Variants in INPP4B observed in about 807,000 individuals in gnomAD.
The protein encoded by INPP4B is inositol polyphosphate-4-phosphatase type II B, also known as inositol polyphosphate 4-phosphatase type II.
INPP4B carries 55 observed loss-of-function variants against 122.5 expected under a neutral mutation model. The ratio of observed to expected loss-of-function variants is 0.45; its 90% CI spans 0.36 to 0.56. INPP4B has a LOEUF of 0.56. Among genes scored for constraint, INPP4B ranks in the 20% least tolerant of loss-of-function variants. INPP4B has a pLI of 0.00. For synonymous variants in INPP4B, 403 were observed against 388.7 expected (o/e 1.04, Z -0.43); for missense variants, 1,000 against 1,097.7 (o/e 0.91, Z 1.26).
chr4:142,549,028 C>T (rs1299351696), intron 2 of INPP4B, among the ~76,000 whole-genome samples: 1 of 152,026 alleles, frequency 6.6e-6, no homozygotes, highest in African/African-American at 2.4e-5. Flanking sequence ...GAGAGCTTGT[C>T]CAGCATTCCC....
At chr4:142,061,728 A>G (rs1343256827) in intron 25 of INPP4B, among the ~76,000 whole-genome samples, 1 of 151,800 alleles carries the variant, frequency 6.6e-6, no homozygotes, top group Non-Finnish European at 1.5e-5. Context: ...TGATCAAATT[A>G]GATTTAAGCA....
intron 2 of INPP4B, among the ~76,000 whole-genome samples, chr4:142,463,645 T>A (rs1301870918): frequency 2.0e-5 from 3 of 152,124 alleles, no homozygotes; most frequent in African/African-American, 7.2e-5. Flanking sequence ...AATCCCCACA[T>A]GTTGTGAGAG....
At chr4:142,084,977 G>A (rs3775621) in intron 24 of INPP4B, among the ~76,000 whole-genome samples, 38,147 of 151,990 alleles carry the variant, frequency 0.25, 4,863 homozygotes, top group East Asian at 0.3. Context: ...ATTAACAACC[G>A]TAGTGGTCTT....
chr4:142,537,818 C>T (rs927194918), intron 2 of INPP4B, among the ~76,000 whole-genome samples: 1 of 151,050 alleles, frequency 6.6e-6, no homozygotes, highest in Non-Finnish European at 1.5e-5. Flanking sequence ...CAACTTACCA[C>T]AGGAACCCCA....
At chr4:142,343,961 A>G (rs1475549737) in intron 7 of INPP4B, among the ~76,000 whole-genome samples, 1 of 152,140 alleles carries the variant, frequency 6.6e-6, no homozygotes, top group Non-Finnish European at 1.5e-5. Context: ...GACCATAAAT[A>G]GCTCACTAAG....
intron 3 of INPP4B, among the ~76,000 whole-genome samples, chr4:142,460,655 T>C (rs998719207): frequency 2.0e-4 from 30 of 152,190 alleles, no homozygotes; most frequent in Admixed American, 2.0e-4. Flanking sequence ...CTTTCTGGTA[T>C]GAAACAAGCC....
At chr4:142,783,608 T>A (rs1206397946) in intron 1 of INPP4B, among the ~76,000 whole-genome samples, 2 of 152,190 alleles carry the variant, frequency 1.3e-5, no homozygotes, top group African/African-American at 4.8e-5. Flanking sequence ...TGTGGAAGAT[T>A]AATTTTATTA....
intron 2 of INPP4B, among the ~76,000 whole-genome samples, chr4:142,587,157 C>G (rs1283750011): frequency 6.6e-6 from 1 of 152,032 alleles, no homozygotes; most frequent in Non-Finnish European, 1.5e-5. Context: ...GTAAACTAAC[C>G]ACAGGGAACA....
At chr4:142,809,709 T>C (rs889579596) in intron 1 of INPP4B, among the ~76,000 whole-genome samples, 1 of 152,208 alleles carries the variant, frequency 6.6e-6, no homozygotes, top group Non-Finnish European at 1.5e-5. Context: ...GTGGTGAATG[T>C]TGCATAAGTT....
intron 2 of INPP4B, among the ~76,000 whole-genome samples, chr4:142,613,179 A>G (rs757996916): frequency 3.9e-5 from 6 of 152,194 alleles, no homozygotes; most frequent in Non-Finnish European, 8.8e-5. Flanking sequence ...ACCAGTCTTT[A>G]ACTGTCAATC....
rs1352647668 is a variant in INPP4B at position 142,603,908 on chromosome 4, AC to A, written c.-191+121930del. 1.3e-4 allele frequency among the ~76,000 whole-genome samples: 20 copies of A among 148,664 alleles called. No homozygotes were observed. In the South Asian group the frequency reaches 2.1e-3, roughly 16 times the overall value. On this transcript the variant is annotated intron_variant, in intron 2 of 25. Transcript: ENST00000262992. Reference sequence around the variant, plus strand: ...TAATACCAAAACCAGACAAGAACACACACACACACACACACACACACAAAGT... The same window carrying A: ...TAATACCAAAACCAGACAAGAACACAACACACACACACACACACACAAAGT...
intron 3 of INPP4B, among the ~76,000 whole-genome samples, chr4:142,438,235 G>A (rs1170231246): frequency 6.6e-6 from 1 of 152,060 alleles, no homozygotes; most frequent in African/African-American, 2.4e-5. Context: ...AAAAGAGCCT[G>A]TATAACAAAT....
At chr4:142,803,171 C>CA (rs574677089) in intron 1 of INPP4B, among the ~76,000 whole-genome samples, 1,640 of 82,554 alleles carry the variant, frequency 0.02, 20 homozygotes, top group South Asian at 0.043. Flanking sequence ...GACTACGTCT[C>CA]AAAAAAAAAA....
intron 3 of INPP4B, among the ~76,000 whole-genome samples, chr4:142,439,016 G>T (rs1015185304): frequency 1.3e-5 from 2 of 152,096 alleles, no homozygotes; most frequent in Non-Finnish European, 2.9e-5. Flanking sequence ...GGACCATGGG[G>T]TGCACCACTC....
chr4:142,082,799 C>G (rs1268683802), intron 24 of INPP4B, among the ~76,000 whole-genome samples: 1 of 152,098 alleles, frequency 6.6e-6, no homozygotes, highest in Non-Finnish European at 1.5e-5. Flanking sequence ...GGGTACAACA[C>G]TAAGAAATTT....
intron 24 of INPP4B, among the ~76,000 whole-genome samples, chr4:142,085,013 A>G (rs1385846232): frequency 6.6e-6 from 1 of 152,216 alleles, no homozygotes; most frequent in Non-Finnish European, 1.5e-5. Flanking sequence ...CAGCCACACT[A>G]TTAAAAACAA....
chr4:142,518,933 C>G (rs1484319803), intron 2 of INPP4B: 1 of 152,202 alleles, frequency 6.6e-6, no homozygotes. Context: ...CTCCTGAATT[C>G]TGGATCCCCA....
intron 7 of INPP4B, among the ~76,000 whole-genome samples, chr4:142,353,083 TAAA>T (rs1561914171): frequency 6.6e-6 from 1 of 151,818 alleles, no homozygotes; most frequent in Non-Finnish European, 1.5e-5. Context: ...CATTAAAAGG[TAAA>T]AAGCCACTAA....
intron 2 of INPP4B, among the ~76,000 whole-genome samples, chr4:142,612,268 C>T (rs1321025206): frequency 6.6e-6 from 1 of 152,170 alleles, no homozygotes; most frequent in East Asian, 1.9e-4. Context: ...TGAGATGATT[C>T]ATTTGTATGC....
Sources: gnomAD v4.1 joint callset for allele counts (sites outside exome capture counted in the v4.1 genomes callset) on GRCh38, gnomAD v4.1.1 for gene constraint, MANE v1.5 for transcripts, NCBI Gene and HGNC (gene_info 2026-07-23, HGNC 2026-07-21) for gene names.